The following CARMIL3 variants were observed in gnomAD, a reference collection of about 807,000 sequenced individuals.
CARMIL3 encodes the protein capping protein regulator and myosin 1 linker 3.
In CARMIL3, 88 loss-of-function variants were observed where a neutral mutation model predicts 180.8. The observed-to-expected ratio is 0.49, with a 90% CI of 0.41 to 0.58. The LOEUF (loss-of-function observed/expected upper bound fraction) is 0.58. CARMIL3 is among the 20% of genes least tolerant of loss of function. The pLI is 0.00. For missense variants in CARMIL3, 1,548 were observed against 1,787.0 expected, an observed-to-expected ratio of 0.87 and a Z score of 2.41; for synonymous variants, 696 against 714.5, an observed-to-expected ratio of 0.97 and a Z score of 0.41.
At chr14:24,053,934 G>A in intron 2 of CARMIL3, 131 bp downstream of exon 2, 1 of 1,143,602 alleles carries the variant, frequency 8.7e-7, no homozygotes, top group Non-Finnish European at 1.3e-6. Flanking sequence ...CTGGGGGGAG[G>A]AGGCAGGGCT....
At chr14:24,060,521 C>A in intron 24 of CARMIL3, 107 bp from the exon 25 acceptor site, 1 of 1,493,478 alleles carries the variant, frequency 6.7e-7, no homozygotes, top group East Asian at 2.3e-5. Flanking sequence ...CCAGAGACAT[C>A]ACCTCCACCA....
In CARMIL3 at chr14:24,069,544, G is replaced by A. The variant is rs2035842130; in HGVS notation, c.*140G>A. 3 of 1,126,146 alleles carry A rather than the reference G, an allele frequency of 2.7e-6. No individual in the cohort carries two copies. The highest frequency in any genetic ancestry group is 3.1e-5 in the African/African-American group (2 of 64,130). The allele number at this position is 1,126,146 out of a possible 1,614,324, so 69.8% of individuals were successfully genotyped here. A position where few individuals can be genotyped will look rare whatever the true frequency, so the allele number is the denominator to read the frequency against. On this transcript the variant is annotated 3_prime_UTR_variant, in exon 40 of 40. Coordinates refer to ENST00000342740, the MANE Select transcript of CARMIL3 (RefSeq NM_138360.4). ...GGCAGGACCAGGCATGGGGGAGCTG[G>A]AGGCAGGGACTAGAACAGAGGGAGC...
Position 24,066,643 on chromosome 14 carries a change from C to T in CARMIL3, c.3669C>T (p.Ala1223=), listed in dbSNP as rs1462014100. The T allele has an allele frequency of 6.2e-7, 1 of 1,614,200 alleles. No individual in the cohort carries two copies. The highest frequency in any genetic ancestry group is 1.1e-5 in the South Asian group (1 of 91,074). The change falls in exon 36 of 40, where the codon GCC becomes GCT. Residue 1223 remains alanine, a synonymous_variant. Coordinates refer to ENST00000342740, the MANE Select transcript of CARMIL3 (RefSeq NM_138360.4). The stretch of plus-strand genomic sequence containing the variant: ...TCAGCGCCATGCGCAGAGCAGAGGC[C>T]ACATGGCACATAGGTATGGAAAGCC... The part of the protein sequence containing the change: ...PSFSAMRRAE[A]TWHIAEESAP...
chr14:24,056,323 G>C lies in CARMIL3; in HGVS notation c.795G>C (p.Gly265=), dbSNP rs752185036. 6.1e-5 allele frequency: 98 copies of C among 1,613,994 alleles called. 1 individual carries two copies. The South Asian group carries it at 1.0e-3, about 17-fold the overall frequency. Residue 265 remains glycine, a synonymous_variant, in exon 11 of 40, where the codon GGG becomes GGC. Transcript: ENST00000342740. The stretch of plus-strand genomic sequence containing the variant: ...GGGACTTTGTCCAGAAGCTGGCCGG[G>C]GTGTTTGGGGAGAACGGGAGCTGTG... ...LKTDFVQKLA[G]VFGENGSCVL... is the part of the protein sequence containing the mutation.
intron 27 of CARMIL3, chr14:24,062,270 C>A: frequency 1.7e-6 from 1 of 601,308 alleles, no homozygotes; most frequent in South Asian, 2.0e-5. Context: ...CATAGTTGGG[C>A]TGGGGGCTCT....
At position 24,058,307 on chromosome 14, in the gene CARMIL3, A is replaced by C. The variant is rs2035696053; in HGVS notation, c.1392+83A>C. On this transcript the variant is annotated intron_variant, in intron 17 of 39. Transcript: ENST00000342740. The surrounding 1 kb of genome is among the most constrained non-coding windows in gnomAD (Gnocchi z 6.4). Reference sequence around the variant, plus strand: ...CCTAAGTCAAACCCTGGCTCCATCTAGCCTCTGTGCTGACCCTCTGCGACC... The same window carrying C: ...CCTAAGTCAAACCCTGGCTCCATCTCGCCTCTGTGCTGACCCTCTGCGACC... 2.0e-6 allele frequency: 3 copies of C among 1,465,428 alleles called. No homozygotes were observed. The highest frequency in any genetic ancestry group is 2.8e-6 in the Non-Finnish European group (3 of 1,075,726). The allele number at this position is 1,465,428 out of a possible 1,614,324, so 90.8% of individuals were successfully genotyped here.
rs781402341 is a variant in CARMIL3 at position 24,061,670 on chromosome 14, G to A, written c.2478G>A (p.Leu826=). 14 of 1,612,192 alleles carry A rather than the reference G, an allele frequency of 8.7e-6. No individual in the cohort carries two copies. The highest frequency in any genetic ancestry group is 1.7e-5 in the Admixed American group (1 of 59,904). Residue 826 remains leucine, a splice_region_variant and synonymous_variant, in exon 27 of 40, where the codon CTG becomes CTA. Coordinates refer to ENST00000342740, the MANE Select transcript of CARMIL3 (RefSeq NM_138360.4). The surrounding 1 kb of genome is among the most constrained non-coding windows in gnomAD (Gnocchi z 4.1). ...EQAGQDIQNK[L]DEVKLSVVTY... ...CAGGACAGGACATTCAGAACAAGCTGGAGTGAGAGGCAAAGGGCAGGGCTG... is the reference window on the plus strand; with the variant it reads ...CAGGACAGGACATTCAGAACAAGCTAGAGTGAGAGGCAAAGGGCAGGGCTG...
chr14:24,060,959 G>C lies in CARMIL3; in HGVS notation c.2223G>C (p.Val741=). 2 of 1,551,708 alleles carry C rather than the reference G, an allele frequency of 1.3e-6. No individual in the cohort carries two copies. Among genetic ancestry groups the C allele is most frequent in the Middle Eastern group, 1.7e-4 (1 of 5,992 alleles). The change falls in exon 26 of 40, where the codon GTG becomes GTC. Residue 741 remains valine, a synonymous_variant. Transcript: ENST00000342740. The part of the protein sequence containing the change: ...LFPSLYELGH[V]LANDGPVRQR... Reference sequence around the variant, plus strand: ...CCAGCCTCTATGAGCTGGGCCACGTGCTGGCCAATGATGGGCCTGTGCGGC... The same window carrying C: ...CCAGCCTCTATGAGCTGGGCCACGTCCTGGCCAATGATGGGCCTGTGCGGC...
At chr14:24,052,454 G>T (rs1028718337) in intron 1 of CARMIL3, among the ~76,000 whole-genome samples, 1 of 152,142 alleles carries the variant, frequency 6.6e-6, no homozygotes, top group Non-Finnish European at 1.5e-5. Context: ...GTTCCCTGGC[G>T]CTCCCTGGGG....
At position 24,054,184 on chromosome 14, in the gene CARMIL3, C is replaced by G. The variant is rs367708954; in HGVS notation, c.186+46C>G. 1 of 1,614,106 alleles carries G rather than the reference C, an allele frequency of 6.2e-7. No homozygotes were observed. Among genetic ancestry groups the G allele is most frequent in the East Asian group, 2.2e-5 (1 of 44,878 alleles). On this transcript the variant is annotated intron_variant, in intron 3 of 39. Transcript: ENST00000342740. This position sits in a 1 kb window ranked among gnomAD's most constrained non-coding sequence, Gnocchi z 5.1. ...GGAGAGCACCTGGCATGCTCCCTAC[C>G]TCCCAAGCCTGGCAACCCAGGTCCT...
intron 2 of CARMIL3, 30 bp downstream of exon 2, chr14:24,053,833 G>A: frequency 6.3e-7 from 1 of 1,582,860 alleles, no homozygotes; most frequent in African/African-American, 1.3e-5. Flanking sequence ...GGGGAGGGAG[G>A]AGGTGGCTGG....
rs1005259545 is a variant in CARMIL3, at chr14:24,059,482, C to T, written c.1799+40C>T. 1.4e-5 allele frequency: 22 copies of T among 1,547,898 alleles called. No individual in the cohort carries two copies. The highest frequency in any genetic ancestry group is 2.0e-5 in the Admixed American group (1 of 51,076). On this transcript the variant is annotated intron_variant, in intron 21 of 39. Coordinates refer to ENST00000342740, the MANE Select transcript of CARMIL3 (RefSeq NM_138360.4). This position sits in a 1 kb window ranked among gnomAD's most constrained non-coding sequence, Gnocchi z 6.3. The stretch of plus-strand genomic sequence containing the variant: ...GGGACCCCCTGACCTGGAGCCCCAG[C>T]CCCTCCCCATATGTACATAATCTCC...
At chr14:24,055,362 C>A (rs752625395) in intron 8 of CARMIL3, 52 bp downstream of exon 8, 4 of 1,596,182 alleles carry the variant, frequency 2.5e-6, no homozygotes, top group South Asian at 2.2e-5. Flanking sequence ...TTCAGCCCAA[C>A]CCCAGCCCTT....
At chr14:24,055,843 T>C (rs2138710398) in intron 10 of CARMIL3, 54 bp downstream of exon 10, 1 of 1,502,934 alleles carries the variant, frequency 6.7e-7, no homozygotes, top group East Asian at 2.3e-5. Context: ...AGTTTTAGGG[T>C]CCCAGAACCT....
In CARMIL3 at chr14:24,060,950, G is replaced by A; in HGVS notation, c.2214G>A (p.Leu738=). The change falls in exon 26 of 40, where the codon CTG becomes CTA. Residue 738 remains leucine, a synonymous_variant. Coordinates refer to ENST00000342740, the MANE Select transcript of CARMIL3 (RefSeq NM_138360.4). ...SRALFPSLYE[L]GHVLANDGPV... ...AGCTGTTTCCCAGCCTCTATGAGCT[G>A]GGCCACGTGCTGGCCAATGATGGGC... 11 of 1,551,696 alleles carry A rather than the reference G, an allele frequency of 7.1e-6. No homozygotes were observed. The highest frequency in any genetic ancestry group is 9.6e-6 in the Non-Finnish European group (11 of 1,146,980).
At position 24,065,032 on chromosome 14, in the gene CARMIL3, G is replaced by GCC. The variant is rs1566542832; in HGVS notation, c.3156_3157dup (p.Arg1053ProfsTer176). ...CTGCCTCCACTCCAGAAGAAGAGGC[G>GCC]CCGGGGCCTGTTTCACTTTCGCCGG... On this transcript the variant is annotated frameshift_variant, in exon 33 of 40. Coordinates refer to ENST00000342740, the MANE Select transcript of CARMIL3 (RefSeq NM_138360.4). LOFTEE classifies it high-confidence loss of function. 3.1e-6 allele frequency: 5 copies of GCC among 1,610,608 alleles called. No homozygotes were observed. The highest frequency in any genetic ancestry group is 4.2e-6 in the Non-Finnish European group (5 of 1,179,036).
intron 10 of CARMIL3, among the ~76,000 whole-genome samples, chr14:24,056,019 C>T (rs925468558): frequency 6.6e-6 from 1 of 152,172 alleles, no homozygotes; most frequent in Non-Finnish European, 1.5e-5. Flanking sequence ...TGTTCCATGC[C>T]CCGTCCTCTT....
intron 14 of CARMIL3, 144 bp downstream of exon 14, chr14:24,057,388 C>A: frequency 1.4e-6 from 1 of 732,470 alleles, no homozygotes; most frequent in South Asian, 1.6e-5. Flanking sequence ...AAAGCAATGT[C>A]CATAGTTCAT....
intron 36 of CARMIL3, among the ~76,000 whole-genome samples, chr14:24,067,601 C>G (rs2035799837): frequency 6.6e-6 from 1 of 152,290 alleles, no homozygotes; most frequent in African/African-American, 2.4e-5. Flanking sequence ...CTTGGAGTGC[C>G]TGTGTCCTTG....
Sources: gnomAD v4.1 joint callset for allele counts (sites outside exome capture counted in the v4.1 genomes callset) on GRCh38, gnomAD v4.1.1 for gene constraint, Gnocchi (gnomAD v3.1) non-coding constraint, MANE v1.5 for transcripts, NCBI Gene and HGNC (gene_info 2026-07-23, HGNC 2026-07-21) for gene names.